The following SLC9A9 variants were observed in gnomAD, a reference collection of about 807,000 sequenced individuals.
The protein encoded by SLC9A9 is solute carrier family 9 member A9.
SLC9A9 carries 62 observed loss-of-function variants against 77.8 expected under a neutral mutation model. That is an observed-to-expected ratio of 0.80 (90% CI 0.65 to 0.98). The LOEUF (loss-of-function observed/expected upper bound fraction) is 0.98, where lower values mean the gene tolerates loss of function less well. SLC9A9 is among the 50% of genes least tolerant of loss of function. SLC9A9 has a pLI of 0.00. For missense variants in SLC9A9, 775 were observed against 774.9 expected (o/e 1.00, Z 0.00); for synonymous variants, 320 against 283.5 (o/e 1.13, Z -1.29).
At chr3:143,714,641 C>G (rs1182200610) in intron 4 of SLC9A9, among the ~76,000 whole-genome samples, 1 of 152,208 alleles carries the variant, frequency 6.6e-6, no homozygotes, top group African/African-American at 2.4e-5. Context: ...CGCCAAAATA[C>G]TTAACATGGT....
At chr3:143,770,520 G>A (rs974063266) in intron 4 of SLC9A9, among the ~76,000 whole-genome samples, 5 of 152,220 alleles carry the variant, frequency 3.3e-5, no homozygotes, top group Admixed American at 1.3e-4. Flanking sequence ...CTGGGGGAGG[G>A]TAAGGTTAGA....
chr3:143,404,050 T>A (rs1169493563), intron 12 of SLC9A9, among the ~76,000 whole-genome samples: 1 of 152,206 alleles, frequency 6.6e-6, no homozygotes, highest in South Asian at 2.1e-4. Context: ...TAATGATGTA[T>A]CATCAAGTTC....
At chr3:143,839,905 G>A (rs1053869823) in intron 1 of SLC9A9, among the ~76,000 whole-genome samples, 1 of 152,006 alleles carries the variant, frequency 6.6e-6, no homozygotes, top group African/African-American at 2.4e-5. Context: ...TGTTATAGAC[G>A]GTGAAAGAAG....
chr3:143,780,710 C>T (rs71307953), intron 4 of SLC9A9, among the ~76,000 whole-genome samples: 44,112 of 151,738 alleles, frequency 0.29, 6,618 homozygotes, highest in East Asian at 0.43. Context: ...CTGCCTTCTA[C>T]AGTGTTGGGG....
At chr3:143,284,967 C>T (rs542906769) in intron 14 of SLC9A9, among the ~76,000 whole-genome samples, 81 of 152,216 alleles carry the variant, frequency 5.3e-4, no homozygotes, top group South Asian at 2.7e-3. Context: ...ACAAATGGGG[C>T]TAGGGAAGGT....
intron 6 of SLC9A9, 82 bp from the exon 7 acceptor site, chr3:143,578,805 G>T: frequency 1.3e-6 from 2 of 1,530,560 alleles, no homozygotes; most frequent in Non-Finnish European, 1.8e-6. Context: ...TTTGGGGAGA[G>T]GTATCTTTCC....
At chr3:143,820,479 C>T (rs143100087) in intron 2 of SLC9A9, among the ~76,000 whole-genome samples, 220 of 152,252 alleles carry the variant, frequency 1.4e-3, no homozygotes, top group African/African-American at 5.0e-3. Context: ...GGTTTCCTAC[C>T]CCTGGACCTA....
chr3:143,765,087 TTC>T (rs372561474), intron 4 of SLC9A9, among the ~76,000 whole-genome samples: 2 of 151,050 alleles, frequency 1.3e-5, no homozygotes, highest in African/African-American at 2.4e-5. Flanking sequence ...TTCTTTTTCT[TTC>T]TCTCTTTCTT....
intron 4 of SLC9A9, among the ~76,000 whole-genome samples, chr3:143,698,369 C>T (rs937324975): frequency 6.6e-6 from 1 of 152,182 alleles, no homozygotes; most frequent in African/African-American, 2.4e-5. Flanking sequence ...AGTGCTGGTG[C>T]TATAGTGCAT....
At chr3:143,834,502 A>C (rs1213822736) in intron 1 of SLC9A9, among the ~76,000 whole-genome samples, 1 of 151,140 alleles carries the variant, frequency 6.6e-6, no homozygotes, top group Non-Finnish European at 1.5e-5. Flanking sequence ...ACAAGATACT[A>C]TCTGCATGGG....
At chr3:143,820,291 G>C (rs1042145879) in intron 2 of SLC9A9, among the ~76,000 whole-genome samples, 2 of 152,270 alleles carry the variant, frequency 1.3e-5, no homozygotes, top group Admixed American at 1.3e-4. Flanking sequence ...CTCAGCTGCT[G>C]AATTTGTTCT....
rs569018469 is a variant in SLC9A9 at position 143,265,237 on chromosome 3, A to G, written c.*1465T>C. ...AACACAATCATACTTTGTAACAAAA[A>G]TTTATTAGGATTAAGTCAAATTAGA... On this transcript the variant is annotated 3_prime_UTR_variant, in exon 16 of 16. Coordinates refer to ENST00000316549, the MANE Select transcript of SLC9A9 (RefSeq NM_173653.4). 1 of 152,358 alleles carries G rather than the reference A, an allele frequency of 6.6e-6. No homozygotes were observed. Among genetic ancestry groups the G allele is most frequent in the African/African-American group, 2.4e-5 (1 of 41,582 alleles). 9.4% of individuals were successfully genotyped at this position (152,358 alleles called of 1,614,324 possible).
At chr3:143,602,801 G>A (rs1012092839) in intron 6 of SLC9A9, among the ~76,000 whole-genome samples, 5 of 152,170 alleles carry the variant, frequency 3.3e-5, no homozygotes, top group Admixed American at 6.5e-5. Context: ...CTTGGAAAAC[G>A]ATTCCCTTCA....
At chr3:143,787,592 T>C (rs6808041) in intron 4 of SLC9A9, among the ~76,000 whole-genome samples, 41,638 of 152,134 alleles carry the variant, frequency 0.27, 5,810 homozygotes, top group South Asian at 0.38. Context: ...TTTTACATTG[T>C]TTTTGAAATT....
chr3:143,316,569 G>A (rs929920452), intron 14 of SLC9A9, among the ~76,000 whole-genome samples: 1 of 152,066 alleles, frequency 6.6e-6, no homozygotes, highest in Non-Finnish European at 1.5e-5. Flanking sequence ...ATACCTTTAG[G>A]TTGGCACTGA....
At chr3:143,716,607 A>G (rs1236768963) in intron 4 of SLC9A9, among the ~76,000 whole-genome samples, 1 of 152,184 alleles carries the variant, frequency 6.6e-6, no homozygotes, top group Non-Finnish European at 1.5e-5. Context: ...GGACACTCAG[A>G]AAAAGCACAC....
At chr3:143,744,482 C>T (rs1935158417) in intron 4 of SLC9A9, among the ~76,000 whole-genome samples, 1 of 152,198 alleles carries the variant, frequency 6.6e-6, no homozygotes, top group Non-Finnish European at 1.5e-5. Flanking sequence ...CTCAAAACCA[C>T]TTCAGGGCTG....
At chr3:143,723,590 C>A (rs979934471) in intron 4 of SLC9A9, among the ~76,000 whole-genome samples, 1 of 152,202 alleles carries the variant, frequency 6.6e-6, no homozygotes, top group Non-Finnish European at 1.5e-5. Context: ...TTTTCAATAA[C>A]ATTTTCAGCA....
intron 6 of SLC9A9, among the ~76,000 whole-genome samples, chr3:143,599,834 C>T (rs1041314670): frequency 2.6e-5 from 4 of 152,132 alleles, no homozygotes; most frequent in East Asian, 1.9e-4. Flanking sequence ...GTCTTATCAT[C>T]GAAGTAAGAT....
Sources: gnomAD v4.1 joint callset for allele counts (sites outside exome capture counted in the v4.1 genomes callset) on GRCh38, gnomAD v4.1.1 for gene constraint, MANE v1.5 for transcripts, NCBI Gene and HGNC (gene_info 2026-07-23, HGNC 2026-07-21) for gene names.